PCSK6: variants seen among roughly 807,000 people sequenced by gnomAD.
The protein encoded by PCSK6 is paired basic amino acid cleaving enzyme 4.
A neutral mutation model predicts 123.3 loss-of-function variants in PCSK6; 85 were observed. That is an observed-to-expected ratio of 0.69 (90% CI 0.58 to 0.83). The LOEUF (loss-of-function observed/expected upper bound fraction) is 0.83, where lower values mean the gene tolerates loss of function less well. Ranked by LOEUF, PCSK6 falls within the 40% of genes least tolerant of loss-of-function variation. The pLI is 0.00. For missense variants in PCSK6, 1,191 were observed against 1,282.3 expected (o/e 0.93, Z 1.09); for synonymous variants, 508 against 516.0 (o/e 0.98, Z 0.21).
At chr15:101,467,224 T>C (rs562876170) in intron 1 of PCSK6, among the ~76,000 whole-genome samples, 5 of 152,002 alleles carry the variant, frequency 3.3e-5, no homozygotes. Flanking sequence ...AAAGAAACTC[T>C]GGCATTTGTG....
intron 7 of PCSK6, among the ~76,000 whole-genome samples, chr15:101,395,226 G>A (rs1596284217): frequency 6.6e-6 from 1 of 152,240 alleles, no homozygotes; most frequent in Non-Finnish European, 1.5e-5. Flanking sequence ...AGCAGAGAAT[G>A]GCCAAAAACA....
chr15:101,440,288 A>T (rs921929685), intron 2 of PCSK6, among the ~76,000 whole-genome samples: 28 of 152,252 alleles, frequency 1.8e-4, no homozygotes, highest in African/African-American at 6.8e-4. Context: ...CTTTTCAAAG[A>T]CGGTAAGAAA....
chr15:101,396,366 A>T lies in PCSK6; in HGVS notation c.996+2038T>A, dbSNP rs543499715. Among the ~76,000 whole-genome samples the T allele has an allele frequency of 2.6e-5, 4 of 152,198 alleles. No individual in the cohort carries two copies. In the South Asian group the frequency reaches 8.3e-4, roughly 32 times the overall value. ...AGAGAGCCCGAACGATCACTGCCAA[A>T]CAACCAGGACCCCTCCTGGACGGAG... is the stretch of plus-strand genomic sequence containing the variant. On this transcript the variant is annotated intron_variant, in intron 7 of 21. Transcript: ENST00000611716.
chr15:101,311,373 C>T (rs1201121860), intron 20 of PCSK6, among the ~76,000 whole-genome samples: 3 of 151,480 alleles, frequency 2.0e-5, no homozygotes, highest in African/African-American at 7.3e-5. Flanking sequence ...GTGATCCGCC[C>T]ACCTTGGCCT....
intron 11 of PCSK6, among the ~76,000 whole-genome samples, chr15:101,375,354 C>T (rs891259310): frequency 2.6e-5 from 4 of 152,138 alleles, no homozygotes; most frequent in South Asian, 2.1e-4. Context: ...TACACAATGC[C>T]GTCCACAGTT....
Position 101,305,276 on chromosome 15 carries a change from C to G in PCSK6, c.2892G>C (p.Thr964=). The G allele has an allele frequency of 6.2e-7, 1 of 1,611,656 alleles. No homozygotes were observed. The highest frequency in any genetic ancestry group is 2.2e-5 in the East Asian group (1 of 44,870). ...RKLFIQFCCR[T]CLLAG ...GGCACCCTTACCCGGCCAGGAGGCA[C>G]GTGCGGCAGCAGAACTGAATGAAGA... The change falls in exon 22 of 22, where the codon ACG becomes ACC. Residue 964 remains threonine, a synonymous_variant. Transcript: ENST00000611716. This position sits in a 1 kb window ranked among gnomAD's most constrained non-coding sequence, Gnocchi z 4.8.
intron 6 of PCSK6, among the ~76,000 whole-genome samples, chr15:101,425,496 A>G (rs2056225471): frequency 6.6e-6 from 1 of 152,202 alleles, no homozygotes; most frequent in South Asian, 2.1e-4. Context: ...TTGTCACTCA[A>G]GAGACTATAA....
intron 1 of PCSK6, among the ~76,000 whole-genome samples, chr15:101,447,316 C>T (rs2141164320): frequency 6.6e-6 from 1 of 152,248 alleles, no homozygotes. Flanking sequence ...TGGCCACTGG[C>T]CTGGTTGAAC....
chr15:101,325,122 T>G, intron 16 of PCSK6, 76 bp from the exon 17 acceptor site: 1 of 1,085,356 alleles, frequency 9.2e-7, no homozygotes, highest in South Asian at 1.5e-5. Context: ...TTGTTTCCTC[T>G]GAGGAAACGA....
At chr15:101,354,032 G>A (rs555228500) in intron 13 of PCSK6, among the ~76,000 whole-genome samples, 2 of 152,312 alleles carry the variant, frequency 1.3e-5, no homozygotes, top group Non-Finnish European at 2.9e-5. Flanking sequence ...TTGGAGGCTC[G>A]GAGCATGGAA....
At chr15:101,458,303 G>C (rs928557319) in intron 1 of PCSK6, among the ~76,000 whole-genome samples, 2 of 152,200 alleles carry the variant, frequency 1.3e-5, no homozygotes, top group Non-Finnish European at 2.9e-5. Flanking sequence ...TGCCCCAGTG[G>C]GTTTGAGTCT....
intron 7 of PCSK6, among the ~76,000 whole-genome samples, chr15:101,393,767 G>A (rs540804079): frequency 3.0e-4 from 46 of 152,344 alleles, no homozygotes; most frequent in African/African-American, 1.1e-3. Context: ...AATGGCCTAG[G>A]ATCAAAGAGA....
intron 6 of PCSK6, among the ~76,000 whole-genome samples, chr15:101,410,400 G>C (rs1552947): frequency 1.3e-5 from 2 of 152,048 alleles, no homozygotes; most frequent in Non-Finnish European, 2.9e-5. Flanking sequence ...ATTAGAGAGA[G>C]AGAGAAGGAG....
intron 6 of PCSK6, among the ~76,000 whole-genome samples, chr15:101,427,011 C>A (rs890366913): frequency 6.6e-6 from 1 of 152,252 alleles, no homozygotes; most frequent in South Asian, 2.1e-4. Context: ...CTGCTGCCCC[C>A]ACTTGCTCAG....
intron 2 of PCSK6, among the ~76,000 whole-genome samples, chr15:101,441,611 A>G (rs1271197475): frequency 6.6e-6 from 1 of 152,228 alleles, no homozygotes; most frequent in East Asian, 1.9e-4. Flanking sequence ...ACACAGATTA[A>G]GTCTCCTATT....
At chr15:101,388,449 T>A (rs761408126) in intron 9 of PCSK6, among the ~76,000 whole-genome samples, 35 of 152,366 alleles carry the variant, frequency 2.3e-4, no homozygotes, top group Non-Finnish European at 4.0e-4. Context: ...CAATTTGGTT[T>A]TGACTCTATG....
chr15:101,452,390 G>A (rs952615304), intron 1 of PCSK6, among the ~76,000 whole-genome samples: 4 of 152,100 alleles, frequency 2.6e-5, no homozygotes, highest in African/African-American at 7.2e-5. Flanking sequence ...GTTTCTTTAC[G>A]GCTGTCTGGA....
chr15:101,393,460 G>A, intron 7 of PCSK6, 36 bp from the exon 8 acceptor site: 1 of 1,551,290 alleles, frequency 6.4e-7, no homozygotes, highest in Non-Finnish European at 8.8e-7. Flanking sequence ...TAGCCCCGCA[G>A]CAGAACCTCG....
intron 1 of PCSK6, among the ~76,000 whole-genome samples, chr15:101,457,852 T>C (rs976753862): frequency 3.3e-5 from 5 of 152,254 alleles, no homozygotes; most frequent in Admixed American, 2.0e-4. Flanking sequence ...GCCTGCGCTA[T>C]CTGTCCAATT....
Sources: allele counts gnomAD v4.1 joint callset (sites outside exome capture counted in the v4.1 genomes callset), GRCh38; gene constraint gnomAD v4.1.1; non-coding constraint Gnocchi (gnomAD v3.1); transcripts MANE v1.5; gene names NCBI Gene and HGNC (gene_info 2026-07-23, HGNC 2026-07-21).